Variants in PCLO observed in about 807,000 individuals in gnomAD.
The protein encoded by PCLO is piccolo presynaptic cytomatrix protein.
In PCLO, 82 loss-of-function variants were observed where a neutral mutation model predicts 427.5. That is an observed-to-expected ratio of 0.19 (90% CI 0.16 to 0.23). The LOEUF (loss-of-function observed/expected upper bound fraction) is 0.23, where lower values mean the gene tolerates loss of function less well. Among genes scored for constraint, PCLO ranks in the 10% least tolerant of loss-of-function variants. PCLO has a pLI of 1.00. For synonymous variants in PCLO, 2,357 were observed against 2,155.4 expected (o/e 1.09, Z -2.59); for missense variants, 6,239 against 6,115.9 (o/e 1.02, Z -0.67).
chr7:82,895,002 A>T (rs1793866732), intron 9 of PCLO, among the ~76,000 whole-genome samples: 3 of 152,064 alleles, frequency 2.0e-5, no homozygotes, highest in African/African-American at 7.2e-5. Flanking sequence ...AAGTAAAATC[A>T]TAGTCATACT....
In PCLO at chr7:83,146,176, G is replaced by T. The variant is rs116705569; in HGVS notation, c.1893+8572C>A. On this transcript the variant is annotated intron_variant, in intron 2 of 24. Coordinates refer to ENST00000333891, the MANE Select transcript of PCLO (RefSeq NM_033026.6). ...TCATATTGAAGTAAGATAAAGACAAGAAACATTGTTTGTAGTGAAAATGTT... is the reference window on the plus strand; with the variant it reads ...TCATATTGAAGTAAGATAAAGACAATAAACATTGTTTGTAGTGAAAATGTT... Among the ~76,000 whole-genome samples, 860 of 152,206 alleles carry T rather than the reference G, an allele frequency of 5.7e-3. 12 individuals are homozygous for T. Among genetic ancestry groups the T allele is most frequent in the African/African-American group, 0.02 (816 of 41,532 alleles).
chr7:82,977,380 T>TTTTATTTATTTA (rs200252038), intron 3 of PCLO, among the ~76,000 whole-genome samples: 5 of 132,770 alleles, frequency 3.8e-5, no homozygotes, highest in Admixed American at 7.5e-5. Context: ...AATTCATCTT[T>TTTTATTTATTTA]TTTATTTATT....
Position 82,955,638 on chromosome 7 carries a change from T to C in PCLO, c.5315A>G (p.Asp1772Gly). The C allele has an allele frequency of 6.2e-7, 1 of 1,613,978 alleles. No individual in the cohort carries two copies. Residue 1772 changes from aspartate to glycine, a missense_variant, in exon 5 of 25, where the codon GAT becomes GGT. Coordinates refer to ENST00000333891, the MANE Select transcript of PCLO (RefSeq NM_033026.6). ...TCTCAATTCTTCTTCCTCTGAAGAA[T>C]CTTCAATAGTAGGCAAAAGAGGGCC... Reference protein sequence around the residue: ...PHGPLLPTIEDSSEEEELREE... With the variant: ...PHGPLLPTIEGSSEEEELREE...
intron 10 of PCLO, among the ~76,000 whole-genome samples, chr7:82,852,918 T>C (rs562537106): frequency 1.3e-5 from 2 of 152,128 alleles, no homozygotes; most frequent in African/African-American, 2.4e-5. Flanking sequence ...TTATTCTCCA[T>C]CTGTATGAGA....
Position 82,909,854 on chromosome 7 carries a change from T to G in PCLO, c.13301-841A>C, listed in dbSNP as rs547483308. Among the ~76,000 whole-genome samples, 38 of 152,242 alleles carry G rather than the reference T, an allele frequency of 2.5e-4. 2 individuals carry two copies. The South Asian group carries it at 7.5e-3, about 30-fold the overall frequency. On this transcript the variant is annotated intron_variant, in intron 7 of 24. Coordinates refer to ENST00000333891, the MANE Select transcript of PCLO (RefSeq NM_033026.6). ...AAAATAGATTGAAGACTTGGTTGCC[T>G]GCTTTTTATACTCACACTGTGACAA...
intron 22 of PCLO, among the ~76,000 whole-genome samples, chr7:82,786,368 C>A (rs1370865063): frequency 6.6e-6 from 1 of 152,120 alleles, no homozygotes; most frequent in African/African-American, 2.4e-5. Context: ...ATATATTTTT[C>A]TATACCAATA....
intron 2 of PCLO, among the ~76,000 whole-genome samples, chr7:83,137,151 A>C (rs1326638378): frequency 6.6e-6 from 1 of 152,186 alleles, no homozygotes; most frequent in Admixed American, 6.5e-5. Context: ...CAGCTGGCAA[A>C]CAGTACATTT....
intron 4 of PCLO, among the ~76,000 whole-genome samples, chr7:82,958,205 G>C (rs931050636): frequency 1.3e-5 from 2 of 152,042 alleles, no homozygotes; most frequent in Non-Finnish European, 2.9e-5. Flanking sequence ...TTTTCAGTGT[G>C]TGTTGGCATG....
chr7:83,071,262 A>G (rs1789809083), intron 3 of PCLO, among the ~76,000 whole-genome samples: 2 of 152,120 alleles, frequency 1.3e-5, no homozygotes, highest in African/African-American at 4.8e-5. Context: ...TTCTGCCTCT[A>G]TGAATATGTG....
intron 3 of PCLO, among the ~76,000 whole-genome samples, chr7:83,060,298 G>A (rs769592857): frequency 2.2e-4 from 33 of 152,182 alleles, no homozygotes; most frequent in Non-Finnish European, 4.0e-4. Flanking sequence ...CTCCTGCTTG[G>A]CTCTGCCTTG....
chr7:82,995,420 C>T (rs1488708945), intron 3 of PCLO, among the ~76,000 whole-genome samples: 1 of 151,988 alleles, frequency 6.6e-6, no homozygotes, highest in African/African-American at 2.4e-5. Context: ...ATTCATTACA[C>T]TTTAGCAAGA....
chr7:82,929,426 A>G (rs528725927), intron 6 of PCLO, among the ~76,000 whole-genome samples: 1 of 152,266 alleles, frequency 6.6e-6, no homozygotes, highest in African/African-American at 2.4e-5. Flanking sequence ...GCCTAATGTT[A>G]TTGCTCAAGT....
At chr7:83,130,330 C>T (rs1175942787) in intron 3 of PCLO, among the ~76,000 whole-genome samples, 1 of 152,082 alleles carries the variant, frequency 6.6e-6, no homozygotes, top group Non-Finnish European at 1.5e-5. Context: ...CAGGCATGAA[C>T]CACCATGCCG....
At position 82,889,831 on chromosome 7, in the gene PCLO, T is replaced by A. The variant is rs114732816; in HGVS notation, c.13529-10369A>T. Among the ~76,000 whole-genome samples, 885 of 152,206 alleles carry A rather than the reference T, an allele frequency of 5.8e-3. 12 individuals are homozygous for A. The highest frequency in any genetic ancestry group is 0.02 in the African/African-American group (836 of 41,546). On this transcript the variant is annotated intron_variant, in intron 9 of 24. Transcript: ENST00000333891. ...GCTTTTGATGTAAAAGGAAAATGTA[T>A]TTATTGGGCAATTTATACCATATTA...
intron 22 of PCLO, among the ~76,000 whole-genome samples, chr7:82,786,489 T>C (rs1790985914): frequency 6.6e-6 from 1 of 152,218 alleles, no homozygotes; most frequent in African/African-American, 2.4e-5. Flanking sequence ...TATATTTCCA[T>C]ATCTCCATAT....
intron 1 of PCLO, 27 bp downstream of exon 1, chr7:83,162,318 C>T (rs1389922901): frequency 1.3e-6 from 2 of 1,576,718 alleles, no homozygotes; most frequent in African/African-American, 1.3e-5. Context: ...CATATATGCC[C>T]GGACATATAC....
Position 82,755,672 on chromosome 7 carries a change from C to G in PCLO, c.*2903G>C, listed in dbSNP as rs959040318. ...GTATTAGAATAAAAAAAAGTTAATT[C>G]CAATAAAATGAAATAAACTAAAGAG... is the stretch of plus-strand genomic sequence containing the variant. On this transcript the variant is annotated 3_prime_UTR_variant, in exon 25 of 25. Coordinates refer to ENST00000333891, the MANE Select transcript of PCLO (RefSeq NM_033026.6). The G allele has an allele frequency of 6.6e-6, 1 of 151,762 alleles. No homozygotes were observed. Among genetic ancestry groups the G allele is most frequent in the East Asian group, 1.9e-4 (1 of 5,190 alleles). 9.4% of individuals were successfully genotyped at this position (151,762 alleles called of 1,614,324 possible).
rs150128775 is a variant in PCLO at position 83,090,877 on chromosome 7, T to C, written c.3300+43373A>G. Among the ~76,000 whole-genome samples the C allele has an allele frequency of 2.0e-4, 30 of 152,238 alleles. No homozygotes were observed. In the East Asian group the frequency reaches 5.8e-3, roughly 29 times the overall value. On this transcript the variant is annotated intron_variant, in intron 3 of 24. Coordinates refer to ENST00000333891, the MANE Select transcript of PCLO (RefSeq NM_033026.6). ...TGTACCCTCCTATCATTGCCTCCCT[T>C]TCCTATTAGGAGTACTTCCTTTTGA...
chr7:83,079,584 TTAACTC>T (rs1391173154), intron 3 of PCLO, among the ~76,000 whole-genome samples: 5 of 152,160 alleles, frequency 3.3e-5, no homozygotes, highest in African/African-American at 1.2e-4. Flanking sequence ...TCCTGGGAAA[TTAACTC>T]TAAAATCTAT....
Sources: gnomAD v4.1 joint callset for allele counts (sites outside exome capture counted in the v4.1 genomes callset) on GRCh38, gnomAD v4.1.1 for gene constraint, MANE v1.5 for transcripts, NCBI Gene and HGNC (gene_info 2026-07-23, HGNC 2026-07-21) for gene names.